TMEM131L: variants seen among roughly 807,000 people sequenced by gnomAD.
TMEM131L encodes the protein transmembrane 131 like.
In TMEM131L, 54 loss-of-function variants were observed where a neutral mutation model predicts 192.2. The ratio of observed to expected loss-of-function variants is 0.28; its 90% CI spans 0.23 to 0.35. TMEM131L has a LOEUF of 0.35. Ranked by LOEUF, TMEM131L falls within the 10% of genes least tolerant of loss-of-function variation. TMEM131L has a pLI of 1.00. For synonymous variants in TMEM131L, 701 were observed against 704.9 expected (o/e 0.99, Z 0.09); for missense variants, 1,888 against 1,972.9 (o/e 0.96, Z 0.82).
At chr4:153,595,732 C>T (rs1330963336) in intron 19 of TMEM131L, among the ~76,000 whole-genome samples, 1 of 134,458 alleles carries the variant, frequency 7.4e-6, no homozygotes, top group Non-Finnish European at 1.7e-5. Context: ...AAAAAAAACA[C>T]GACATCTTGG....
At chr4:153,619,569 T>C (rs1733241196) in intron 26 of TMEM131L, among the ~76,000 whole-genome samples, 1 of 152,248 alleles carries the variant, frequency 6.6e-6, no homozygotes, top group African/African-American at 2.4e-5. Context: ...TCCCACTGCC[T>C]ACGCAGTTAC....
At chr4:153,557,808 T>G (rs1358525462) in intron 6 of TMEM131L, among the ~76,000 whole-genome samples, 1 of 152,198 alleles carries the variant, frequency 6.6e-6, no homozygotes, top group Non-Finnish European at 1.5e-5. Flanking sequence ...ATTTTTTATT[T>G]TTTAGTTTTT....
At chr4:153,590,510 T>C (rs142297758) in intron 16 of TMEM131L, among the ~76,000 whole-genome samples, 2 of 152,366 alleles carry the variant, frequency 1.3e-5, no homozygotes, top group Non-Finnish European at 2.9e-5. Flanking sequence ...TGTGCTGTGA[T>C]AATTTGATAA....
chr4:153,527,281 T>TG (rs141690300), intron 3 of TMEM131L, among the ~76,000 whole-genome samples: 23,799 of 151,844 alleles, frequency 0.16, 2,394 homozygotes, highest in Non-Finnish European at 0.22. Context: ...TTTTTCTTTG[T>TG]GGGGGGGCGG....
Position 153,604,446 on chromosome 4 carries a change from C to G in TMEM131L, c.3418+16C>G. Reference sequence around the variant, plus strand: ...AAAAATAATGGTAATCTTTTCATCCCCTTTGATAATTCTCTCCTGTTTGTA... The same window carrying G: ...AAAAATAATGGTAATCTTTTCATCCGCTTTGATAATTCTCTCCTGTTTGTA... On this transcript the variant is annotated intron_variant, in intron 25 of 34. Transcript: ENST00000409959. The G allele has an allele frequency of 6.3e-7, 1 of 1,583,122 alleles. No homozygotes were observed. Among genetic ancestry groups the G allele is most frequent in the East Asian group, 2.2e-5 (1 of 44,620 alleles).
intron 7 of TMEM131L, among the ~76,000 whole-genome samples, chr4:153,578,063 A>C (rs1730078603): frequency 6.6e-6 from 1 of 152,182 alleles, no homozygotes; most frequent in South Asian, 2.1e-4. Context: ...AACCAGAGAG[A>C]AAGAAAAACC....
intron 7 of TMEM131L, among the ~76,000 whole-genome samples, chr4:153,562,898 A>G (rs937271960): frequency 3.2e-4 from 48 of 152,226 alleles, no homozygotes; most frequent in African/African-American, 1.2e-3. Flanking sequence ...GAAAACTGAG[A>G]CTAAGATGAT....
rs537347718 is a variant in TMEM131L, at chr4:153,554,822, A to G, written c.309-965A>G. ...CTGAATTTGGTCTTGAGCAGTAGGA[A>G]TCAGAGTTAAGTGATTAGAGGGAGC... On this transcript the variant is annotated intron_variant, in intron 4 of 34. Transcript: ENST00000409959. 2.6e-5 allele frequency among the ~76,000 whole-genome samples: 4 copies of G among 152,344 alleles called. No individual in the cohort carries two copies. The East Asian group carries it at 5.8e-4, about 22-fold the overall frequency.
intron 3 of TMEM131L, among the ~76,000 whole-genome samples, chr4:153,504,309 C>G (rs1430676694): frequency 2.4e-5 from 2 of 81,796 alleles, no homozygotes; most frequent in Non-Finnish European, 4.4e-5. Flanking sequence ...GAGACAGAGT[C>G]TCGCCTGTTG....
chr4:153,553,969 T>G (rs1308615515), intron 4 of TMEM131L, among the ~76,000 whole-genome samples: 2 of 152,230 alleles, frequency 1.3e-5, no homozygotes, highest in African/African-American at 4.8e-5. Context: ...CTGTTAGGTC[T>G]GGAGAGATTT....
At chr4:153,488,113 G>A (rs1580051521) in intron 3 of TMEM131L, among the ~76,000 whole-genome samples, 1 of 151,386 alleles carries the variant, frequency 6.6e-6, no homozygotes, top group African/African-American at 2.4e-5. Context: ...GCGTGTGTGT[G>A]TGTGAGAGAG....
chr4:153,535,320 A>G (rs1054823240), intron 3 of TMEM131L, among the ~76,000 whole-genome samples: 1 of 152,008 alleles, frequency 6.6e-6, no homozygotes, highest in Non-Finnish European at 1.5e-5. Context: ...GAGTTTTGGG[A>G]TGTCTTTTCG....
At chr4:153,469,929 AAAAC>A (rs137897297) in intron 2 of TMEM131L, among the ~76,000 whole-genome samples, 38,023 of 150,978 alleles carry the variant, frequency 0.25, 5,125 homozygotes, top group South Asian at 0.41. Context: ...TTTGTCTCAA[AAAAC>A]AAACAAACAA....
At position 153,636,655 on chromosome 4, in the gene TMEM131L, T is replaced by G; in HGVS notation, c.*79T>G. The G allele has an allele frequency of 7.2e-6, 10 of 1,388,610 alleles. No homozygotes were observed. Among genetic ancestry groups the G allele is most frequent in the South Asian group, 1.4e-5 (1 of 73,326 alleles). 86.0% of individuals were successfully genotyped at this position (1,388,610 alleles called of 1,614,324 possible). A position where few individuals can be genotyped will look rare whatever the true frequency, so the allele number is the denominator to read the frequency against. On this transcript the variant is annotated 3_prime_UTR_variant, in exon 35 of 35. Transcript: ENST00000409959. ...AGTGTAAACTGGTTATTGAGATAGA[T>G]TATGACATTGGTGGATATTTTGGCA...
chr4:153,607,517 T>TCA (rs1330627026), intron 25 of TMEM131L, among the ~76,000 whole-genome samples: 1 of 152,144 alleles, frequency 6.6e-6, no homozygotes, highest in Middle Eastern at 3.2e-3. Context: ...GGGAACTCAC[T>TCA]CAGTGTGTTT....
At chr4:153,472,657 G>A (rs1561108273) in intron 2 of TMEM131L, among the ~76,000 whole-genome samples, 1 of 152,196 alleles carries the variant, frequency 6.6e-6, no homozygotes, top group Non-Finnish European at 1.5e-5. Context: ...CATACATGTT[G>A]TGTGGTGGCA....
At chr4:153,504,333 G>A (rs1355668563) in intron 3 of TMEM131L, among the ~76,000 whole-genome samples, 1 of 124,610 alleles carries the variant, frequency 8.0e-6, no homozygotes, top group East Asian at 2.5e-4. Flanking sequence ...AGGCTGCAGT[G>A]CAGTGGTGTG....
intron 3 of TMEM131L, among the ~76,000 whole-genome samples, chr4:153,524,706 C>T (rs555916103): frequency 2.0e-5 from 3 of 152,312 alleles, no homozygotes; most frequent in South Asian, 2.1e-4. Context: ...GTTTCCATTT[C>T]GTGGCCTGGA....
rs1344775681 is a variant in TMEM131L, at chr4:153,587,941, A to G, written c.1552+130A>G. 2.8e-5 allele frequency: 20 copies of G among 713,366 alleles called. 1 individual carries two copies. Among genetic ancestry groups the G allele is most frequent in the East Asian group, 2.0e-4 (8 of 39,232 alleles). The allele number at this position is 713,366 out of a possible 1,614,324, so 44.2% of individuals were successfully genotyped here. ...ATCATATTCTATAGAGAGGATGATC[A>G]TTAACAGAATGACTTAAAATTGTTA... On this transcript the variant is annotated intron_variant, in intron 15 of 34. Transcript: ENST00000409959.
Sources: gnomAD v4.1 joint callset for allele counts (sites outside exome capture counted in the v4.1 genomes callset) on GRCh38, gnomAD v4.1.1 for gene constraint, MANE v1.5 for transcripts, NCBI Gene and HGNC (gene_info 2026-07-23, HGNC 2026-07-21) for gene names.